The following ZFAT variants were observed in gnomAD, a reference collection of about 807,000 sequenced individuals.
ZFAT encodes zinc finger protein ZFAT.
Under a neutral mutation model 117.7 loss-of-function variants are expected in ZFAT, and 64 were observed. The ratio of observed to expected loss-of-function variants is 0.54; its 90% CI spans 0.44 to 0.67. The LOEUF (loss-of-function observed/expected upper bound fraction) is 0.67. Ranked by LOEUF, ZFAT falls within the 30% of genes least tolerant of loss-of-function variation. The pLI, the probability that ZFAT is intolerant of heterozygous loss-of-function variation, is 0.00. For synonymous variants in ZFAT, 679 were observed against 615.0 expected (o/e 1.10, Z -1.54); for missense variants, 1,433 against 1,584.5 (o/e 0.90, Z 1.62).
At chr8:134,479,465 T>A (rs1185858280) in intron 15 of ZFAT, among the ~76,000 whole-genome samples, 2 of 152,212 alleles carry the variant, frequency 1.3e-5, no homozygotes, top group Admixed American at 6.5e-5. Flanking sequence ...GGTGCTAATA[T>A]CCCACATCCC....
intron 15 of ZFAT, among the ~76,000 whole-genome samples, chr8:134,500,218 T>C (rs1474145126): frequency 6.6e-6 from 1 of 152,178 alleles, no homozygotes; most frequent in Non-Finnish European, 1.5e-5. Flanking sequence ...CGACCTGCCT[T>C]GGCTAAGGAC....
chr8:134,591,160 A>G (rs946169748), intron 7 of ZFAT, among the ~76,000 whole-genome samples: 1 of 152,194 alleles, frequency 6.6e-6, no homozygotes, highest in African/African-American at 2.4e-5. Flanking sequence ...ATGGCAAGTG[A>G]TTTTATTGAG....
chr8:134,813,929 C>T, the ZFAT span, among the ~76,000 whole-genome samples: 1 of 150,878 alleles, frequency 6.6e-6, no homozygotes, highest in South Asian at 2.1e-4. Context: ...CAAGTCATAC[C>T]CAAAAATTAC....
At chr8:134,663,692 C>T (rs1276165893) in intron 1 of ZFAT, among the ~76,000 whole-genome samples, 3 of 152,132 alleles carry the variant, frequency 2.0e-5, no homozygotes, top group East Asian at 3.9e-4. Context: ...GAGCTGAGAT[C>T]GTGCCACTGT....
At chr8:134,554,546 G>A (rs558320237) in intron 11 of ZFAT, among the ~76,000 whole-genome samples, 27 of 152,258 alleles carry the variant, frequency 1.8e-4, no homozygotes, top group South Asian at 1.5e-3. Context: ...TGAAGCTGGC[G>A]CCAGAGATGA....
intron 5 of ZFAT, among the ~76,000 whole-genome samples, chr8:134,606,385 G>C: frequency 6.6e-6 from 1 of 152,214 alleles, no homozygotes; most frequent in East Asian, 1.9e-4. Flanking sequence ...TGATTCATTT[G>C]AGTACAAAGG....
chr8:134,646,693 TA>T (rs1163720941), intron 2 of ZFAT, among the ~76,000 whole-genome samples: 1 of 150,712 alleles, frequency 6.6e-6, no homozygotes, highest in African/African-American at 2.4e-5. Flanking sequence ...ACAAATGAAT[TA>T]AATTTTGAAT....
In ZFAT at chr8:134,532,991, G is replaced by T. The variant is rs780809800; in HGVS notation, c.2977-19C>A. ...GGAAAGGCTGCGGGGACAATGAGGA[G>T]GGGTTAGGAAAGGTGAGCCCCAGAT... is the stretch of plus-strand genomic sequence containing the variant. On this transcript the variant is annotated intron_variant, in intron 11 of 15. Transcript: ENST00000377838. 18 of 1,588,468 alleles carry T rather than the reference G, an allele frequency of 1.1e-5. No individual in the cohort carries two copies. The highest frequency in any genetic ancestry group is 1.5e-5 in the Non-Finnish European group (18 of 1,167,744).
At chr8:134,779,189 C>G in the ZFAT span, among the ~76,000 whole-genome samples, 1 of 152,042 alleles carries the variant, frequency 6.6e-6, no homozygotes, top group Admixed American at 6.5e-5. Context: ...TTGTTTTTTT[C>G]CTCATTCCCC....
At chr8:134,489,594 C>T (rs1051907013) in intron 15 of ZFAT, among the ~76,000 whole-genome samples, 3 of 152,146 alleles carry the variant, frequency 2.0e-5, no homozygotes, top group Non-Finnish European at 2.9e-5. Context: ...CATCTGTCTC[C>T]GCTTCTGGAC....
the ZFAT span, among the ~76,000 whole-genome samples, chr8:134,800,969 T>C: frequency 6.6e-6 from 1 of 152,212 alleles, no homozygotes; most frequent in Admixed American, 6.5e-5. Context: ...CGACATCCTG[T>C]AGTGTTCCAT....
chr8:134,557,551 T>C (rs975980755), intron 11 of ZFAT, among the ~76,000 whole-genome samples: 7 of 152,222 alleles, frequency 4.6e-5, no homozygotes, highest in Non-Finnish European at 7.3e-5. Flanking sequence ...GGGTGTGGGG[T>C]ATATAGAAAC....
intron 1 of ZFAT, among the ~76,000 whole-genome samples, chr8:134,698,931 A>G (rs1586969350): frequency 6.6e-6 from 1 of 152,250 alleles, no homozygotes; most frequent in Non-Finnish European, 1.5e-5. Flanking sequence ...TTAAAAAGGA[A>G]AAGTACAGAA....
chr8:134,482,509 A>T (rs1257436902), intron 15 of ZFAT, among the ~76,000 whole-genome samples: 4 of 152,240 alleles, frequency 2.6e-5, no homozygotes, highest in Non-Finnish European at 4.4e-5. Flanking sequence ...CAACATGAGA[A>T]GCCCTCCTGA....
At chr8:134,686,738 G>A (rs1447552541) in intron 1 of ZFAT, among the ~76,000 whole-genome samples, 3 of 152,146 alleles carry the variant, frequency 2.0e-5, no homozygotes, top group African/African-American at 7.2e-5. Flanking sequence ...GCCTAGCTTA[G>A]TGCCTGGCCC....
intron 10 of ZFAT, among the ~76,000 whole-genome samples, chr8:134,570,641 G>A (rs963307586): frequency 4.6e-5 from 7 of 152,120 alleles, no homozygotes; most frequent in South Asian, 4.1e-4. Context: ...GGTAAGGCTA[G>A]CAGTTAATTT....
chr8:134,621,118 T>C (rs910235022), intron 3 of ZFAT, among the ~76,000 whole-genome samples: 10 of 151,060 alleles, frequency 6.6e-5, no homozygotes, highest in Admixed American at 4.6e-4. Context: ...GTGAGATCAA[T>C]AGCTGAAATC....
intron 1 of ZFAT, among the ~76,000 whole-genome samples, chr8:134,690,602 C>T (rs1331303068): frequency 4.6e-5 from 7 of 152,176 alleles, no homozygotes; most frequent in Admixed American, 4.6e-4. Flanking sequence ...CTAGTATTTA[C>T]ATGTGTCTAG....
chr8:134,825,049 AC>A, the ZFAT span, among the ~76,000 whole-genome samples: 2 of 152,202 alleles, frequency 1.3e-5, no homozygotes, highest in Non-Finnish European at 2.9e-5. Context: ...CTATTCTTCC[AC>A]CTTATAAAAT....
Sources: gnomAD v4.1 joint callset for allele counts (sites outside exome capture counted in the v4.1 genomes callset) on GRCh38, gnomAD v4.1.1 for gene constraint, MANE v1.5 for transcripts, NCBI Gene and HGNC (gene_info 2026-07-23, HGNC 2026-07-21) for gene names.